The following CSGALNACT1 variants were observed in gnomAD, a reference collection of about 807,000 sequenced individuals.
CSGALNACT1 encodes beta4GalNAcT-1.
A neutral mutation model predicts 51.0 loss-of-function variants in CSGALNACT1; 52 were observed. That is an observed-to-expected ratio of 1.02 (90% CI 0.82 to 1.29). The LOEUF (loss-of-function observed/expected upper bound fraction) is 1.29, where lower values mean the gene tolerates loss of function less well. CSGALNACT1 is among the 50% of genes most tolerant of loss of function. CSGALNACT1 has a pLI of 0.00. For synonymous variants in CSGALNACT1, 341 were observed against 254.4 expected (o/e 1.34, Z -3.24); for missense variants, 935 against 679.2 (o/e 1.38, Z -4.19).
chr8:19,434,409 C>T (rs1349186468), intron 6 of CSGALNACT1, among the ~76,000 whole-genome samples: 8 of 152,148 alleles, frequency 5.3e-5, no homozygotes, highest in Admixed American at 3.9e-4. Context: ...ACCACATTTG[C>T]TTTTTTTCTC....
intron 1 of CSGALNACT1, among the ~76,000 whole-genome samples, chr8:19,621,460 G>C (rs1042116587): frequency 1.3e-5 from 2 of 152,046 alleles, no homozygotes; most frequent in African/African-American, 2.4e-5. Flanking sequence ...ATGAATACTT[G>C]TTGATATTTT....
At chr8:19,605,900 T>C (rs1356508114), upstream of CSGALNACT1, among the ~76,000 whole-genome samples, 1 of 152,230 alleles carries the variant, frequency 6.6e-6, no homozygotes, top group East Asian at 1.9e-4. Flanking sequence ...TTTAACCATC[T>C]AGGAATTCAT....
chr8:19,500,964 C>T (rs1215104637), intron 4 of CSGALNACT1, among the ~76,000 whole-genome samples: 1 of 152,060 alleles, frequency 6.6e-6, no homozygotes, highest in Non-Finnish European at 1.5e-5. Flanking sequence ...GGCATAAGGG[C>T]AGAGGCCGGG....
chr8:19,467,657 C>A (rs1251646135), intron 4 of CSGALNACT1, among the ~76,000 whole-genome samples: 1 of 151,646 alleles, frequency 6.6e-6, no homozygotes, highest in Non-Finnish European at 1.5e-5. Flanking sequence ...TTTCGCATGG[C>A]TAATATTAAT....
At chr8:19,514,011 A>C (rs2078995968) in intron 3 of CSGALNACT1, among the ~76,000 whole-genome samples, 2 of 152,138 alleles carry the variant, frequency 1.3e-5, no homozygotes, top group African/African-American at 4.8e-5. Flanking sequence ...CAGGGTTTTC[A>C]GGTGTCAGAG....
At chr8:19,662,077 C>CG (rs1795255496) in intron 1 of CSGALNACT1, among the ~76,000 whole-genome samples, 5 of 38,088 alleles carry the variant, frequency 1.3e-4, no homozygotes, top group Admixed American at 4.6e-4. Flanking sequence ...CCCCCCCACC[C>CG]CCCCCCCCCC....
At chr8:19,674,714 T>C (rs56355799) in intron 1 of CSGALNACT1, among the ~76,000 whole-genome samples, 79,925 of 151,384 alleles carry the variant, frequency 0.53, 21,510 homozygotes, top group Non-Finnish European at 0.6. Context: ...AGGTGAAGAA[T>C]AGACTGAAGG....
upstream of CSGALNACT1, among the ~76,000 whole-genome samples, chr8:19,685,800 G>A (rs554721408): frequency 3.3e-5 from 5 of 152,272 alleles, no homozygotes; most frequent in South Asian, 1.0e-3. Context: ...GGCTAACTTT[G>A]ACATACCAAC....
chr8:19,413,033 A>G (rs1303748731), intron 8 of CSGALNACT1, among the ~76,000 whole-genome samples: 1 of 152,244 alleles, frequency 6.6e-6, no homozygotes, highest in Non-Finnish European at 1.5e-5. Context: ...TTGAGAAATA[A>G]GGTATCCTAC....
intron 3 of CSGALNACT1, among the ~76,000 whole-genome samples, chr8:19,564,619 G>C (rs2041521885): frequency 6.6e-6 from 1 of 152,056 alleles, no homozygotes; most frequent in Non-Finnish European, 1.5e-5. Flanking sequence ...TATGCAACCT[G>C]TGCAGTGCAT....
chr8:19,456,853 T>C lies in CSGALNACT1; in HGVS notation c.851+1573A>G, dbSNP rs184783800. On this transcript the variant is annotated intron_variant, in intron 5 of 9. Coordinates refer to ENST00000454498, the Ensembl canonical transcript of CSGALNACT1. ...AAGCTAAGGGAATTGAGAACTGCTATACCTTGGAAAGAAAAGACTAGGGGA... is the reference window on the plus strand; with the variant it reads ...AAGCTAAGGGAATTGAGAACTGCTACACCTTGGAAAGAAAAGACTAGGGGA... 1.6e-4 allele frequency among the ~76,000 whole-genome samples: 24 copies of C among 152,342 alleles called. No individual in the cohort carries two copies. The East Asian group carries it at 4.2e-3, about 27-fold the overall frequency.
intron 1 of CSGALNACT1, among the ~76,000 whole-genome samples, chr8:19,738,825 C>T (rs1377859211): frequency 6.6e-6 from 1 of 151,820 alleles, no homozygotes; most frequent in East Asian, 1.9e-4. Flanking sequence ...AAAAAATGAA[C>T]CTCCATTTAA....
At chr8:19,662,330 G>A (rs977583607) in intron 1 of CSGALNACT1, among the ~76,000 whole-genome samples, 3 of 150,880 alleles carry the variant, frequency 2.0e-5, no homozygotes, top group South Asian at 2.1e-4. Context: ...GCAGTGAGCC[G>A]AGATCACACC....
chr8:19,524,267 C>A (rs1001540122), intron 3 of CSGALNACT1, among the ~76,000 whole-genome samples: 3 of 152,162 alleles, frequency 2.0e-5, no homozygotes, highest in Non-Finnish European at 2.9e-5. Flanking sequence ...GCCTGGGCAA[C>A]AGAGTGAGAT....
intron 4 of CSGALNACT1, among the ~76,000 whole-genome samples, chr8:19,486,834 CG>C (rs1457584504): frequency 6.6e-6 from 1 of 152,156 alleles, no homozygotes; most frequent in Non-Finnish European, 1.5e-5. Context: ...AGCCCTGCAA[CG>C]TAGATTTTGT....
intron 4 of CSGALNACT1, among the ~76,000 whole-genome samples, chr8:19,465,719 C>T (rs888414168): frequency 1.3e-5 from 2 of 152,170 alleles, no homozygotes; most frequent in Admixed American, 6.5e-5. Flanking sequence ...ACTGTTTGGG[C>T]ACCTGACAAC....
intron 1 of CSGALNACT1, among the ~76,000 whole-genome samples, chr8:19,647,193 G>A (rs1282717385): frequency 3.3e-5 from 5 of 152,110 alleles, no homozygotes; most frequent in East Asian, 1.9e-4. Flanking sequence ...CCCTGACCAG[G>A]TGCCATGTCC....
intron 1 of CSGALNACT1, among the ~76,000 whole-genome samples, chr8:19,756,690 C>T (rs1457589770): frequency 6.6e-6 from 1 of 152,156 alleles, no homozygotes; most frequent in African/African-American, 2.4e-5. Context: ...AGCCCGGTCC[C>T]GGGCAGGCGA....
chr8:19,629,080 G>C (rs2054849064), intron 1 of CSGALNACT1, among the ~76,000 whole-genome samples: 1 of 152,136 alleles, frequency 6.6e-6, no homozygotes, highest in Non-Finnish European at 1.5e-5. Flanking sequence ...ATAGGTCCAA[G>C]TAATTGGAGT....
Sources: allele counts gnomAD v4.1 joint callset (sites outside exome capture counted in the v4.1 genomes callset), GRCh38; gene constraint gnomAD v4.1.1; transcripts MANE v1.5; gene names NCBI Gene and HGNC (gene_info 2026-07-23, HGNC 2026-07-21).